Variants in FAM13B observed in about 807,000 individuals in gnomAD.
The protein encoded by FAM13B is family with sequence similarity 13 member B, also known as protein FAM13B.
In FAM13B, 60 loss-of-function variants were observed where a neutral mutation model predicts 117.3. The ratio of observed to expected loss-of-function variants is 0.51; its 90% CI spans 0.42 to 0.63. The LOEUF is 0.63. FAM13B is among the 30% of genes least tolerant of loss of function. The probability of loss-of-function intolerance (pLI) is 0.00; values close to 1 mark genes in which losing one functional copy is unlikely to be tolerated. For synonymous variants in FAM13B, 332 were observed against 356.1 expected (o/e 0.93, Z 0.76); for missense variants, 972 against 1,091.9 (o/e 0.89, Z 1.55).
At chr5:138,051,220 TTAGAAA>T (rs1466102317) in intron 1 of FAM13B, among the ~76,000 whole-genome samples, 1 of 152,230 alleles carries the variant, frequency 6.6e-6, no homozygotes, top group African/African-American at 2.4e-5. Context: ...ATATTATTCC[TTAGAAA>T]TAGATCCATA....
At chr5:137,946,884 G>A (rs890460641) in intron 18 of FAM13B, among the ~76,000 whole-genome samples, 1 of 152,164 alleles carries the variant, frequency 6.6e-6, no homozygotes, top group Non-Finnish European at 1.5e-5. Context: ...AAAGATCCTG[G>A]AAAAAGCTCA....
exon 1 of FAM13B, chr5:138,051,918 G>A (rs1022033167): frequency 5.3e-5 from 8 of 152,196 alleles, no homozygotes; most frequent in African/African-American, 1.9e-4. Flanking sequence ...CAGTCGGCAA[G>A]TATGGTAGGC....
chr5:137,975,017 G>A (rs562773189), intron 10 of FAM13B, among the ~76,000 whole-genome samples: 64 of 152,256 alleles, frequency 4.2e-4, no homozygotes, highest in African/African-American at 1.5e-3. Flanking sequence ...TTCTGGCTGC[G>A]TCCATGCTAC....
Position 138,018,519 on chromosome 5 carries a change from G to T in FAM13B, c.158-5C>A. ...GTCCTTGTTGCTCCAGACCTCCTAC[G>T]TTAGTTCAAGGCAATCATTCAATAA... On this transcript the variant is annotated splice_polypyrimidine_tract_variant and splice_region_variant and intron_variant, in intron 3 of 23. Coordinates refer to ENST00000689681, the MANE Select transcript of FAM13B (RefSeq NM_001385994.1). 1 of 1,612,742 alleles carries T rather than the reference G, an allele frequency of 6.2e-7. No individual in the cohort carries two copies. Among genetic ancestry groups the T allele is most frequent in the South Asian group, 1.1e-5 (1 of 91,018 alleles).
At chr5:138,030,716 C>A (rs181654467) in intron 1 of FAM13B, among the ~76,000 whole-genome samples, 3 of 141,540 alleles carry the variant, frequency 2.1e-5, no homozygotes, top group South Asian at 2.4e-4. Context: ...CTCCGTCCCC[C>A]CCCCCCAAAA....
At chr5:138,002,533 GAAAACAAACAA>G (rs1188628752) in intron 7 of FAM13B, among the ~76,000 whole-genome samples, 1 of 151,914 alleles carries the variant, frequency 6.6e-6, no homozygotes, top group Non-Finnish European at 1.5e-5. Context: ...AACTCCATGT[GAAAACAAACAA>G]AAAACAAACA....
intron 6 of FAM13B, among the ~76,000 whole-genome samples, chr5:138,010,088 C>T (rs1311528155): frequency 6.6e-6 from 1 of 152,106 alleles, no homozygotes; most frequent in African/African-American, 2.4e-5. Flanking sequence ...TCAAGCAATT[C>T]TCCTGCCTCA....
rs1439639939 is a variant in FAM13B at position 137,985,335 on chromosome 5, T to C, written c.1101A>G (p.Ser367=). The change falls in exon 10 of 24, where the codon TCA becomes TCG. Residue 367 remains serine, a synonymous_variant. Transcript: ENST00000689681. ...CTAAATTAGTGCTAGCCACAGGTTT[T>C]GAACAGTCTCTGTTACTTTCACTGG... The part of the protein sequence containing the change: ...INASESNRDC[S]KPVASTNLDN... The C allele has an allele frequency of 2.5e-6, 4 of 1,613,836 alleles. No homozygotes were observed. In the African/African-American group the frequency reaches 4.0e-5, roughly 16 times the overall value.
At chr5:137,945,845 T>C (rs541759749) in intron 20 of FAM13B, 57 bp downstream of exon 20, 122 of 1,276,954 alleles carry the variant, frequency 9.6e-5, no homozygotes, top group Non-Finnish European at 1.3e-4. Context: ...ATAATTTTTT[T>C]TGGGAAGAGT....
At chr5:137,972,859 T>G (rs1037849443) in intron 10 of FAM13B, among the ~76,000 whole-genome samples, 2 of 152,026 alleles carry the variant, frequency 1.3e-5, no homozygotes, top group Non-Finnish European at 2.9e-5. Context: ...CCATTCACAA[T>G]TGCTTCAAAG....
At chr5:138,027,404 T>C (rs937913355) in intron 1 of FAM13B, among the ~76,000 whole-genome samples, 3 of 152,248 alleles carry the variant, frequency 2.0e-5, no homozygotes, top group African/African-American at 7.2e-5. Flanking sequence ...AGACTATTGC[T>C]AATTTGACTT....
At chr5:138,009,698 G>C (rs1050179118) in intron 6 of FAM13B, among the ~76,000 whole-genome samples, 6 of 150,688 alleles carry the variant, frequency 4.0e-5, no homozygotes, top group Admixed American at 2.0e-4. Context: ...CCAGCTACTC[G>C]AGAGGCTGGG....
chr5:138,037,107 G>A (rs572607513), upstream of FAM13B: 1 of 173,120 alleles, frequency 5.8e-6, no homozygotes, highest in Non-Finnish European at 1.3e-5. Flanking sequence ...TTCTTTACCT[G>A]TAGATGGAAA....
intron 7 of FAM13B, among the ~76,000 whole-genome samples, chr5:137,994,529 A>T (rs1779392187): frequency 6.6e-6 from 1 of 152,282 alleles, no homozygotes; most frequent in Non-Finnish European, 1.5e-5. Flanking sequence ...TAAAATATAT[A>T]GATATCACAG....
At chr5:138,011,476 T>A (rs1315136118) in intron 5 of FAM13B, among the ~76,000 whole-genome samples, 8 of 152,106 alleles carry the variant, frequency 5.3e-5, no homozygotes, top group Non-Finnish European at 1.5e-5. Flanking sequence ...TGGAGTGCAT[T>A]GGCGCGATCT....
intron 4 of FAM13B, among the ~76,000 whole-genome samples, chr5:138,014,951 C>T (rs1305774943): frequency 6.6e-6 from 1 of 152,118 alleles, no homozygotes; most frequent in Non-Finnish European, 1.5e-5. Context: ...AGAAGTTTCC[C>T]CTAACAATTC....
Position 137,956,474 on chromosome 5 carries a change from T to A in FAM13B, c.1507+3A>T, listed in dbSNP as rs755834932. ...AAACTAAACTATGGTGAACCATACT[T>A]ACCCTCCCCATCTCTCTGCAGATGC... is the stretch of plus-strand genomic sequence containing the variant. On this transcript the variant is annotated splice_donor_region_variant and intron_variant, in intron 14 of 23. Coordinates refer to ENST00000689681, the MANE Select transcript of FAM13B (RefSeq NM_001385994.1). 7.8e-5 allele frequency: 124 copies of A among 1,593,554 alleles called. No homozygotes were observed. Among genetic ancestry groups the A allele is most frequent in the Non-Finnish European group, 1.5e-5 (17 of 1,168,682 alleles).
chr5:137,955,927 C>T (rs1344175657), intron 14 of FAM13B, among the ~76,000 whole-genome samples: 2 of 152,068 alleles, frequency 1.3e-5, no homozygotes, highest in African/African-American at 2.4e-5. Context: ...CCACCACGCC[C>T]GGCAGCTTTT....
At chr5:138,019,225 C>T in intron 2 of FAM13B, 79 bp from the exon 3 acceptor site, 27 of 1,242,740 alleles carry the variant, frequency 2.2e-5, no homozygotes, top group Non-Finnish European at 2.8e-5. Context: ...AAGAAAAATG[C>T]TTTACACCTG....
Sources: gnomAD v4.1 joint callset for allele counts (sites outside exome capture counted in the v4.1 genomes callset) on GRCh38, gnomAD v4.1.1 for gene constraint, MANE v1.5 for transcripts, NCBI Gene and HGNC (gene_info 2026-07-23, HGNC 2026-07-21) for gene names.